The following UNC5D variants were observed in gnomAD, a reference collection of about 807,000 sequenced individuals.
UNC5D encodes the protein netrin receptor UNC5D.
UNC5D carries 39 observed loss-of-function variants against 105.4 expected under a neutral mutation model. That is an observed-to-expected ratio of 0.37 (90% CI 0.29 to 0.48). The LOEUF (loss-of-function observed/expected upper bound fraction) is 0.48, where lower values mean the gene tolerates loss of function less well. Among genes scored for constraint, UNC5D ranks in the 20% least tolerant of loss-of-function variants. The pLI, the probability that UNC5D is intolerant of heterozygous loss-of-function variation, is 0.98. For missense variants in UNC5D, 991 were observed against 1,202.4 expected (o/e 0.82, Z 2.60); for synonymous variants, 452 against 450.4 (o/e 1.00, Z -0.04).
chr8:35,405,113 T>C (rs942512334), intron 1 of UNC5D, among the ~76,000 whole-genome samples: 1 of 152,174 alleles, frequency 6.6e-6, no homozygotes, highest in Non-Finnish European at 1.5e-5. Context: ...AAAGAGCTGT[T>C]AAAGCCAAGA....
rs1806430937 is a variant in UNC5D, at chr8:35,284,373, T to A, written c.103+48486T>A. Reference sequence around the variant, plus strand: ...CACAAGAATGACAAAAATATTACCTTCTTTCACTACTCCTAGCACTATCCA... The same window carrying A: ...CACAAGAATGACAAAAATATTACCTACTTTCACTACTCCTAGCACTATCCA... On this transcript the variant is annotated intron_variant, in intron 1 of 16. Coordinates refer to ENST00000404895, the MANE Select transcript of UNC5D (RefSeq NM_080872.4). Among the ~76,000 whole-genome samples, 4 of 152,300 alleles carry A rather than the reference T, an allele frequency of 2.6e-5. No individual in the cohort carries two copies. The South Asian group carries it at 6.2e-4, about 24-fold the overall frequency.
chr8:35,388,471 C>T (rs913203134), intron 1 of UNC5D, among the ~76,000 whole-genome samples: 10 of 152,110 alleles, frequency 6.6e-5, no homozygotes, highest in African/African-American at 2.2e-4. Flanking sequence ...GCATGTTCAA[C>T]ATGTAGTTAT....
At chr8:35,691,884 T>C (rs1273639494) in intron 7 of UNC5D, among the ~76,000 whole-genome samples, 1 of 152,164 alleles carries the variant, frequency 6.6e-6, no homozygotes, top group African/African-American at 2.4e-5. Context: ...TCCCTCTCTC[T>C]TAACCCCAGC....
chr8:35,562,509 T>G (rs1173165512), intron 2 of UNC5D, among the ~76,000 whole-genome samples: 1 of 152,124 alleles, frequency 6.6e-6, no homozygotes, highest in African/African-American at 2.4e-5. Context: ...TTTTTTGTCT[T>G]TTTGACACAA....
chr8:35,349,158 G>A (rs552183324), intron 1 of UNC5D, among the ~76,000 whole-genome samples: 1 of 151,884 alleles, frequency 6.6e-6, no homozygotes, highest in South Asian at 2.1e-4. Context: ...ACTTGACAAA[G>A]GAAGGAGTTT....
At chr8:35,544,656 G>T (rs2130653284) in intron 1 of UNC5D, 1 of 1,284,294 alleles carries the variant, frequency 7.8e-7, no homozygotes, top group Non-Finnish European at 1.0e-6. Flanking sequence ...AGGCTGGAGT[G>T]CAATAGTGTG....
intron 4 of UNC5D, among the ~76,000 whole-genome samples, chr8:35,610,573 C>T (rs1460781528): frequency 6.6e-6 from 1 of 152,066 alleles, no homozygotes; most frequent in African/African-American, 2.4e-5. Flanking sequence ...GCAAGGAGCA[C>T]AGGTTTGATG....
At chr8:35,402,328 G>T (rs553818807) in intron 1 of UNC5D, among the ~76,000 whole-genome samples, 16 of 152,196 alleles carry the variant, frequency 1.1e-4, no homozygotes, top group Admixed American at 7.2e-4. Flanking sequence ...TGAAAGGCAC[G>T]TCTTACATTG....
At chr8:35,607,677 C>T (rs566550169) in intron 4 of UNC5D, among the ~76,000 whole-genome samples, 1 of 152,022 alleles carries the variant, frequency 6.6e-6, no homozygotes, top group Non-Finnish European at 1.5e-5. Context: ...TTATAAGGGG[C>T]TTTTTTCCTC....
intron 1 of UNC5D, among the ~76,000 whole-genome samples, chr8:35,279,256 G>A (rs944402092): frequency 8.5e-5 from 13 of 152,064 alleles, no homozygotes; most frequent in African/African-American, 2.4e-4. Flanking sequence ...TCCTTCCTTC[G>A]GTGTTTCTGA....
chr8:35,610,498 T>C (rs1204294663), intron 4 of UNC5D, among the ~76,000 whole-genome samples: 1 of 152,146 alleles, frequency 6.6e-6, no homozygotes, highest in Non-Finnish European at 1.5e-5. Context: ...ACTGAGACTG[T>C]GGAATTTTTG....
intron 15 of UNC5D, among the ~76,000 whole-genome samples, chr8:35,773,680 G>GA (rs975381817): frequency 1.3e-5 from 2 of 151,848 alleles, no homozygotes; most frequent in African/African-American, 4.9e-5. Context: ...AAAACAAACA[G>GA]AAAAAGAGTC....
intron 1 of UNC5D, among the ~76,000 whole-genome samples, chr8:35,283,180 T>C (rs1215105894): frequency 6.6e-6 from 1 of 152,226 alleles, no homozygotes; most frequent in Non-Finnish European, 1.5e-5. Context: ...AGAACAATTT[T>C]TAATTTGAGA....
intron 4 of UNC5D, among the ~76,000 whole-genome samples, chr8:35,623,920 G>A (rs2978580): frequency 0.12 from 17,738 of 151,902 alleles, 1,138 homozygotes; most frequent in African/African-American, 0.17. Context: ...CTCTACTAAA[G>A]ATACAAAAAA....
At position 35,301,202 on chromosome 8, in the gene UNC5D, TC is replaced by T. The variant is rs555688410; in HGVS notation, c.103+65317del. ...TGTGGTGCCAGAAAGTACGAAGGGG[TC>T]CAAAAAGGATAAGGACATGTTGAAA... On this transcript the variant is annotated intron_variant, in intron 1 of 16. Coordinates refer to ENST00000404895, the MANE Select transcript of UNC5D (RefSeq NM_080872.4). Among the ~76,000 whole-genome samples the T allele has an allele frequency of 2.8e-3, 421 of 152,008 alleles. 4 individuals are homozygous for T. The highest frequency in any genetic ancestry group is 9.6e-3 in the African/African-American group (399 of 41,448).
chr8:35,261,581 C>T (rs1263577886), intron 1 of UNC5D, among the ~76,000 whole-genome samples: 1 of 149,632 alleles, frequency 6.7e-6, no homozygotes, highest in Non-Finnish European at 1.5e-5. Context: ...ATCTTTTGTG[C>T]TCTTCCTTTT....
intron 1 of UNC5D, among the ~76,000 whole-genome samples, chr8:35,426,895 C>T (rs1218781700): frequency 6.6e-5 from 10 of 152,060 alleles, no homozygotes; most frequent in Non-Finnish European, 7.4e-5. Flanking sequence ...CATTCATTTA[C>T]CAAATTAAAA....
intron 1 of UNC5D, among the ~76,000 whole-genome samples, chr8:35,489,461 A>C (rs1811056769): frequency 6.6e-6 from 1 of 152,164 alleles, no homozygotes; most frequent in Non-Finnish European, 1.5e-5. Flanking sequence ...GGTTTTCCTT[A>C]ATCTCTCCTT....
intron 1 of UNC5D, among the ~76,000 whole-genome samples, chr8:35,474,065 A>G (rs1378252656): frequency 6.6e-6 from 1 of 152,198 alleles, no homozygotes; most frequent in Non-Finnish European, 1.5e-5. Flanking sequence ...TTTACCTCCC[A>G]ACACCACTGA....
Sources: gnomAD v4.1 joint callset for allele counts (sites outside exome capture counted in the v4.1 genomes callset) on GRCh38, gnomAD v4.1.1 for gene constraint, MANE v1.5 for transcripts, NCBI Gene and HGNC (gene_info 2026-07-23, HGNC 2026-07-21) for gene names.